Variants in TMEM108 observed in about 807,000 individuals in gnomAD.
The protein encoded by TMEM108 is transmembrane protein 108.
TMEM108 carries 12 observed loss-of-function variants against 35.1 expected under a neutral mutation model. The ratio of observed to expected loss-of-function variants is 0.34; its 90% CI spans 0.22 to 0.55. The LOEUF (loss-of-function observed/expected upper bound fraction) is 0.55, where lower values mean the gene tolerates loss of function less well. Among genes scored for constraint, TMEM108 ranks in the 20% least tolerant of loss-of-function variants. TMEM108 has a pLI of 0.89. For synonymous variants in TMEM108, 287 were observed against 308.6 expected, an observed-to-expected ratio of 0.93 and a Z score of 0.73; for missense variants, 680 against 753.3, an observed-to-expected ratio of 0.90 and a Z score of 1.14.
chr3:133,233,727 C>G (rs1236706923), intron 3 of TMEM108, among the ~76,000 whole-genome samples: 4 of 150,060 alleles, frequency 2.7e-5, no homozygotes, highest in African/African-American at 9.8e-5. Context: ...TTAATGATCG[C>G]CATTCTACCT....
intron 2 of TMEM108, among the ~76,000 whole-genome samples, chr3:133,090,281 A>T (rs985307056): frequency 6.6e-6 from 1 of 152,246 alleles, no homozygotes; most frequent in Non-Finnish European, 1.5e-5. Flanking sequence ...GCAAAAGGTC[A>T]TCAGGGAGCA....
At position 133,137,082 on chromosome 3, in the gene TMEM108, A is replaced by G. The variant is rs527254945; in HGVS notation, c.-47+91062A>G. ...TAAGAAGTTGTATTCCTACATCTGC[A>G]TAGAGACGGTGTTTATCACTAGCAC... On this transcript the variant is annotated intron_variant, in intron 2 of 5. Coordinates refer to ENST00000321871, the MANE Select transcript of TMEM108 (RefSeq NM_023943.4). Among the ~76,000 whole-genome samples, 4 of 152,330 alleles carry G rather than the reference A, an allele frequency of 2.6e-5. No homozygotes were observed. In the East Asian group the frequency reaches 7.7e-4, roughly 29 times the overall value.
intron 3 of TMEM108, among the ~76,000 whole-genome samples, chr3:133,329,351 A>G (rs1280546707): frequency 6.6e-6 from 1 of 152,132 alleles, no homozygotes; most frequent in Non-Finnish European, 1.5e-5. Flanking sequence ...TTTGCTGAGA[A>G]AGGTAAATAT....
intron 2 of TMEM108, among the ~76,000 whole-genome samples, chr3:133,087,106 C>T (rs58757765): frequency 0.093 from 14,153 of 152,158 alleles, 1,209 homozygotes; most frequent in African/African-American, 0.22. Flanking sequence ...TTGGGTGCAG[C>T]CCTGATAGAG....
intron 2 of TMEM108, among the ~76,000 whole-genome samples, chr3:133,071,538 T>G (rs1409974885): frequency 6.6e-6 from 1 of 152,214 alleles, no homozygotes; most frequent in African/African-American, 2.4e-5. Context: ...GATCATAGTT[T>G]AGCCCATAAC....
chr3:133,186,027 C>G (rs1346096536), intron 2 of TMEM108, among the ~76,000 whole-genome samples: 1 of 152,052 alleles, frequency 6.6e-6, no homozygotes, highest in Non-Finnish European at 1.5e-5. Flanking sequence ...CTCAGCCTCC[C>G]AAAGTGCTGG....
chr3:133,322,837 C>T (rs116027018), intron 3 of TMEM108, among the ~76,000 whole-genome samples: 1,900 of 152,218 alleles, frequency 0.012, 16 homozygotes, highest in South Asian at 0.024. Flanking sequence ...GTGGGTTTTA[C>T]ACCAAGGATG....
At chr3:133,311,580 C>T (rs1455063088) in intron 3 of TMEM108, among the ~76,000 whole-genome samples, 5 of 152,170 alleles carry the variant, frequency 3.3e-5, no homozygotes, top group African/African-American at 1.2e-4. Flanking sequence ...TTAAGGTCTT[C>T]TCTACGCTGT....
At position 133,180,757 on chromosome 3, in the gene TMEM108, G is replaced by T. The variant is rs1945325191; in HGVS notation, c.-46-48509G>T. 1.3e-5 allele frequency among the ~76,000 whole-genome samples: 2 copies of T among 151,694 alleles called. 1 individual carries two copies. The highest frequency in any genetic ancestry group is 4.2e-4 in the South Asian group (2 of 4,796). Reference sequence around the variant, plus strand: ...GATCTTCTTTTGATAGTGATTGTTGGAGCCCAGAATTCAACATTTATAAAT... The same window carrying T: ...GATCTTCTTTTGATAGTGATTGTTGTAGCCCAGAATTCAACATTTATAAAT... On this transcript the variant is annotated intron_variant, in intron 2 of 5. Transcript: ENST00000321871.
rs60991711 is a variant in TMEM108, at chr3:133,342,555, T to TATATATACACAC, written c.41-37196_41-37195insTATATACACACA. 5.7e-4 allele frequency among the ~76,000 whole-genome samples: 36 copies of TATATATACACAC among 63,450 alleles called. 3 individuals are homozygous for TATATATACACAC. In the East Asian group the frequency reaches 7.4e-3, roughly 13 times the overall value. 41.6% of individuals were successfully genotyped at this position (63,450 alleles called of 152,430 possible). On this transcript the variant is annotated intron_variant, in intron 3 of 5. Coordinates refer to ENST00000321871, the MANE Select transcript of TMEM108 (RefSeq NM_023943.4). ...AAAAAGAAAATGTGGTATATATATA[T>TATATATACACAC]ACACACACACACACAATGGAGTACT...
At chr3:133,377,780 G>C (rs2072884266) in intron 3 of TMEM108, among the ~76,000 whole-genome samples, 1 of 152,066 alleles carries the variant, frequency 6.6e-6, no homozygotes, top group African/African-American at 2.4e-5. Context: ...CAAGAGGTGG[G>C]AGGCCGGTGA....
At chr3:133,368,963 T>C (rs114359357) in intron 3 of TMEM108, among the ~76,000 whole-genome samples, 2,515 of 152,264 alleles carry the variant, frequency 0.017, 67 homozygotes, top group African/African-American at 0.053. Flanking sequence ...TGTGTGGGGC[T>C]TTCCAAGCAT....
chr3:133,292,996 A>G (rs538250750), intron 3 of TMEM108, among the ~76,000 whole-genome samples: 1 of 152,318 alleles, frequency 6.6e-6, no homozygotes, highest in Non-Finnish European at 1.5e-5. Flanking sequence ...TCTTAGGTGA[A>G]TGGAGCTTTG....
At chr3:133,177,217 G>C (rs1945246913) in intron 2 of TMEM108, among the ~76,000 whole-genome samples, 1 of 152,166 alleles carries the variant, frequency 6.6e-6, no homozygotes, top group African/African-American at 2.4e-5. Context: ...TGGATTCACA[G>C]CCGAATTCTA....
chr3:133,248,338 A>G (rs185702473), intron 3 of TMEM108: 1 of 152,318 alleles, frequency 6.6e-6, no homozygotes. Context: ...TGTTATGCCT[A>G]AAATCCTAGA....
At chr3:133,367,130 T>G (rs2072522903) in intron 3 of TMEM108, among the ~76,000 whole-genome samples, 1 of 152,226 alleles carries the variant, frequency 6.6e-6, no homozygotes, top group Non-Finnish European at 1.5e-5. Context: ...GTTTAGATGT[T>G]TCCCATAAGT....
At chr3:133,358,359 A>G (rs2107787398) in intron 3 of TMEM108, among the ~76,000 whole-genome samples, 1 of 152,082 alleles carries the variant, frequency 6.6e-6, no homozygotes, top group South Asian at 2.1e-4. Context: ...TTTAGTAGAG[A>G]CGGGGTTTCA....
chr3:133,126,170 A>T (rs1405000672), intron 2 of TMEM108, among the ~76,000 whole-genome samples: 1 of 152,052 alleles, frequency 6.6e-6, no homozygotes, highest in African/African-American at 2.4e-5. Flanking sequence ...CTTTTTTTTA[A>T]AAAAGTGATG....
chr3:133,359,760 A>C (rs2072287957), intron 3 of TMEM108, among the ~76,000 whole-genome samples: 1 of 152,214 alleles, frequency 6.6e-6, no homozygotes. Context: ...ATAGTAAAGC[A>C]CTTGGAAAAC....
Sources: allele counts gnomAD v4.1 joint callset (sites outside exome capture counted in the v4.1 genomes callset), GRCh38; gene constraint gnomAD v4.1.1; transcripts MANE v1.5; gene names NCBI Gene and HGNC (gene_info 2026-07-23, HGNC 2026-07-21).